The following TMEM272 variants were observed in gnomAD, a reference collection of about 807,000 sequenced individuals.
TMEM272 encodes transmembrane protein 272, also known as long intergenic non-protein coding RNA 282.
A neutral mutation model predicts 3.7 loss-of-function variants in TMEM272; 8 were observed. The observed-to-expected ratio is 2.17, with a 90% CI of 1.27 to 3.91. TMEM272 has a LOEUF of 3.91. TMEM272 is among the 30% of genes most tolerant of loss of function. TMEM272 has a pLI of 0.00. For missense variants in TMEM272, 166 were observed against 91.5 expected (o/e 1.81, Z -3.32); for synonymous variants, 63 against 39.8 (o/e 1.58, Z -2.20).
chr13:51,861,967 C>CT, the TMEM272 span: 1 of 152,302 alleles, frequency 6.6e-6, no homozygotes, highest in African/African-American at 2.4e-5. Flanking sequence ...ATCAACAGCA[C>CT]TGCCCTATCA....
the TMEM272 span, among the ~76,000 whole-genome samples, chr13:51,885,019 G>A: frequency 4.6e-5 from 7 of 152,186 alleles, no homozygotes; most frequent in Non-Finnish European, 7.3e-5. Context: ...CAAGTGGTTG[G>A]TGCCATGATT....
chr13:51,903,970 T>TGTGTGTGTGTGTGTGG, the TMEM272 span, among the ~76,000 whole-genome samples: 1 of 151,774 alleles, frequency 6.6e-6, no homozygotes, highest in Non-Finnish European at 1.5e-5. Flanking sequence ...TGTGTGTGTG[T>TGTGTGTGTGTGTGTGG]GTTTAGAAAG....
chr13:51,922,522 C>G, the TMEM272 span, among the ~76,000 whole-genome samples: 1 of 152,212 alleles, frequency 6.6e-6, no homozygotes, highest in South Asian at 2.1e-4. Flanking sequence ...GCAGCCTCAA[C>G]CTGCCAGGCG....
At chr13:51,843,846 T>C (rs1956281643) in intron 1 of TMEM272, among the ~76,000 whole-genome samples, 1 of 152,222 alleles carries the variant, frequency 6.6e-6, no homozygotes, top group African/African-American at 2.4e-5. Context: ...TGGGAATTAA[T>C]CAATAATAAT....
chr13:51,865,263 A>G, the TMEM272 span: 247 of 739,508 alleles, frequency 3.3e-4, 1 homozygote, highest in East Asian at 6.5e-3. Context: ...CAAATTCAGT[A>G]GTACAGAACC....
the TMEM272 span, among the ~76,000 whole-genome samples, chr13:51,879,586 TTAAGA>T: frequency 6.6e-6 from 1 of 152,146 alleles, no homozygotes; most frequent in African/African-American, 2.4e-5. Flanking sequence ...GGGGTTGAAG[TTAAGA>T]TGAGTGGTCG....
At chr13:51,874,193 T>C in the TMEM272 span, among the ~76,000 whole-genome samples, 1 of 152,224 alleles carries the variant, frequency 6.6e-6, no homozygotes, top group Non-Finnish European at 1.5e-5. Context: ...ATAAGGGCTC[T>C]TTTGGAGCAT....
chr13:51,899,768 C>T, the TMEM272 span, among the ~76,000 whole-genome samples: 5 of 152,056 alleles, frequency 3.3e-5, no homozygotes, highest in Admixed American at 6.6e-5. Context: ...TAATTAAGAC[C>T]GCATGGCACT....
the TMEM272 span, among the ~76,000 whole-genome samples, chr13:51,886,151 T>A: frequency 6.6e-6 from 1 of 152,138 alleles, no homozygotes; most frequent in Non-Finnish European, 1.5e-5. Context: ...GGGAAGGTGG[T>A]GTAGAGATCT....
the TMEM272 span, among the ~76,000 whole-genome samples, chr13:51,864,336 T>G: frequency 2.0e-3 from 303 of 152,256 alleles, no homozygotes; most frequent in African/African-American, 6.4e-3. Context: ...TAGTCTCACC[T>G]CCTCATCCCA....
At chr13:51,828,238 G>A (rs891364595) in intron 2 of TMEM272, among the ~76,000 whole-genome samples, 1 of 152,190 alleles carries the variant, frequency 6.6e-6, no homozygotes. Context: ...AGAGCCCACT[G>A]TACCTGGCTT....
chr13:51,913,595 G>A, the TMEM272 span, among the ~76,000 whole-genome samples: 12 of 152,236 alleles, frequency 7.9e-5, no homozygotes, highest in Admixed American at 7.2e-4. Flanking sequence ...AACTGATGTC[G>A]GACGCTCTAG....
the TMEM272 span, among the ~76,000 whole-genome samples, chr13:51,889,738 T>C: frequency 6.6e-6 from 1 of 152,032 alleles, no homozygotes; most frequent in South Asian, 2.1e-4. Context: ...GCCTCCTGGG[T>C]TCAAGTGATT....
the TMEM272 span, among the ~76,000 whole-genome samples, chr13:51,850,400 A>G: frequency 3.3e-5 from 5 of 152,374 alleles, no homozygotes; most frequent in East Asian, 9.6e-4. Context: ...ATATTTTTAA[A>G]GAATGTAAAA....
chr13:51,926,092 ATGTGGTGTG>A, the TMEM272 span, among the ~76,000 whole-genome samples: 17 of 150,676 alleles, frequency 1.1e-4, no homozygotes, highest in South Asian at 6.3e-4. Flanking sequence ...AGTGTGTGGT[ATGTGGTGTG>A]TGTGGTGTGT....
At chr13:51,887,394 C>T in the TMEM272 span, among the ~76,000 whole-genome samples, 1 of 152,158 alleles carries the variant, frequency 6.6e-6, no homozygotes, top group Non-Finnish European at 1.5e-5. Flanking sequence ...CAAAGGAGAA[C>T]CAAGGGAAAC....
the TMEM272 span, among the ~76,000 whole-genome samples, chr13:51,926,412 T>C: frequency 6.6e-6 from 1 of 152,166 alleles, no homozygotes; most frequent in African/African-American, 2.4e-5. Flanking sequence ...CCTGGGTCCC[T>C]CCAGGAGATC....
At chr13:51,861,820 G>A in the TMEM272 span, among the ~76,000 whole-genome samples, 1 of 152,144 alleles carries the variant, frequency 6.6e-6, no homozygotes, top group Middle Eastern at 3.2e-3. Context: ...ACTATCAAAA[G>A]CCAAAGACGA....
At chr13:51,917,356 G>C in the TMEM272 span, among the ~76,000 whole-genome samples, 1 of 152,176 alleles carries the variant, frequency 6.6e-6, no homozygotes, top group Non-Finnish European at 1.5e-5. Context: ...TGAGCACCCA[G>C]AGAGGGTGCT....
Sources: allele counts gnomAD v4.1 joint callset (sites outside exome capture counted in the v4.1 genomes callset), GRCh38; gene constraint gnomAD v4.1.1; transcripts MANE v1.5; gene names NCBI Gene and HGNC (gene_info 2026-07-23, HGNC 2026-07-21).